The following CACNB4 variants were observed in gnomAD, a reference collection of about 807,000 sequenced individuals.
The protein encoded by CACNB4 is calcium voltage-gated channel auxiliary subunit beta 4, also known as voltage-dependent L-type calcium channel subunit beta-4.
A neutral mutation model predicts 71.2 loss-of-function variants in CACNB4; 32 were observed. The observed-to-expected ratio is 0.45, with a 90% CI of 0.34 to 0.60. The LOEUF is 0.60. Ranked by LOEUF, CACNB4 falls within the 20% of genes least tolerant of loss-of-function variation. The pLI, the probability that CACNB4 is intolerant of heterozygous loss-of-function variation, is 0.01. For missense variants in CACNB4, 464 were observed against 647.9 expected, an observed-to-expected ratio of 0.72 and a Z score of 3.08; for synonymous variants, 231 against 236.9, an observed-to-expected ratio of 0.97 and a Z score of 0.23.
rs1225557580 is a variant in CACNB4, at chr2:151,839,621, T to C, written c.1303-242A>G. Among the ~76,000 whole-genome samples, 4 of 152,214 alleles carry C rather than the reference T, an allele frequency of 2.6e-5. No individual in the cohort carries two copies. The East Asian group carries it at 7.7e-4, about 29-fold the overall frequency. On this transcript the variant is annotated intron_variant, in intron 13 of 13. Transcript: ENST00000539935. ...ATTCCACAGTGCTGAATGACTATGC[T>C]TCCTATTACAAATGTAGAATTGAAA...
intron 2 of CACNB4, among the ~76,000 whole-genome samples, chr2:152,019,662 T>C (rs1683548669): frequency 6.6e-6 from 1 of 151,988 alleles, no homozygotes; most frequent in African/African-American, 2.4e-5. Context: ...CCCCAAAAAA[T>C]GGAAATAAAG....
At chr2:151,958,666 C>A (rs1238563248) in intron 2 of CACNB4, among the ~76,000 whole-genome samples, 1 of 152,184 alleles carries the variant, frequency 6.6e-6, no homozygotes, top group Non-Finnish European at 1.5e-5. Context: ...CTCCTCCTCT[C>A]CATCCCCACT....
chr2:152,058,742 C>A (rs1248247574), intron 2 of CACNB4, among the ~76,000 whole-genome samples: 1 of 152,240 alleles, frequency 6.6e-6, no homozygotes, highest in East Asian at 1.9e-4. Context: ...CATAAGTAAC[C>A]AGGAGTCCAG....
At chr2:152,064,888 T>C (rs559013313) in intron 2 of CACNB4, among the ~76,000 whole-genome samples, 1 of 152,256 alleles carries the variant, frequency 6.6e-6, no homozygotes, top group East Asian at 1.9e-4. Flanking sequence ...TCTCCACCTG[T>C]CATAGAGAGA....
chr2:151,952,464 G>A (rs546200607), intron 2 of CACNB4, among the ~76,000 whole-genome samples: 12 of 152,264 alleles, frequency 7.9e-5, no homozygotes, highest in Admixed American at 2.0e-4. Flanking sequence ...TTTCTCTGTC[G>A]CTTTACCATA....
At chr2:151,955,897 G>A (rs957103354) in intron 2 of CACNB4, among the ~76,000 whole-genome samples, 4 of 146,102 alleles carry the variant, frequency 2.7e-5, no homozygotes, top group African/African-American at 4.9e-5. Context: ...AGCAAGGCAC[G>A]GTCTCAAAAA....
At chr2:152,040,988 C>T (rs1057225069) in intron 2 of CACNB4, among the ~76,000 whole-genome samples, 1 of 152,230 alleles carries the variant, frequency 6.6e-6, no homozygotes, top group Non-Finnish European at 1.5e-5. Flanking sequence ...GCAAAGCCCT[C>T]AAAGACCATG....
At chr2:151,919,986 A>G (rs1205186479) in intron 2 of CACNB4, among the ~76,000 whole-genome samples, 25 of 152,206 alleles carry the variant, frequency 1.6e-4, no homozygotes, top group Admixed American at 1.6e-3. Context: ...AAAGCCAACT[A>G]TAAAGCCATT....
intron 10 of CACNB4, chr2:151,858,386 C>G (rs1253750955): frequency 6.6e-6 from 1 of 152,214 alleles, no homozygotes; most frequent in African/African-American, 2.4e-5. Context: ...AAAGTGAGTA[C>G]TCTGGAACAA....
At chr2:151,973,590 A>C (rs532079522) in intron 2 of CACNB4, 2 of 1,324,308 alleles carry the variant, frequency 1.5e-6, no homozygotes, top group Admixed American at 3.6e-5. Context: ...CCTAAGAAAT[A>C]AGAAGCGGGG....
chr2:151,928,821 A>C (rs2099860912), intron 2 of CACNB4, among the ~76,000 whole-genome samples: 1 of 151,824 alleles, frequency 6.6e-6, no homozygotes, highest in African/African-American at 2.4e-5. Flanking sequence ...CTGAGGCTGG[A>C]GAATCGCTTG....
chr2:152,090,142 A>G (rs1687891365), intron 2 of CACNB4, among the ~76,000 whole-genome samples: 1 of 152,242 alleles, frequency 6.6e-6, no homozygotes, highest in Admixed American at 6.5e-5. Flanking sequence ...CCACACCCAG[A>G]AAAGATGGGT....
At chr2:151,967,222 T>A (rs532115096) in intron 2 of CACNB4, 1 of 152,086 alleles carries the variant, frequency 6.6e-6, no homozygotes, top group Admixed American at 6.6e-5. Flanking sequence ...TAATTTTTTT[T>A]ATTTTTATTT....
intron 2 of CACNB4, among the ~76,000 whole-genome samples, chr2:152,030,865 A>G (rs1352080579): frequency 6.6e-6 from 1 of 152,162 alleles, no homozygotes; most frequent in Non-Finnish European, 1.5e-5. Flanking sequence ...ATGTCCATCA[A>G]TGATAGACTG....
intron 2 of CACNB4, among the ~76,000 whole-genome samples, chr2:151,933,463 A>G (rs373774612): frequency 3.9e-5 from 6 of 152,134 alleles, no homozygotes; most frequent in African/African-American, 1.2e-4. Flanking sequence ...CCTCACCACA[A>G]CCTTTGAGGG....
intron 2 of CACNB4, among the ~76,000 whole-genome samples, chr2:152,005,909 A>G: frequency 6.6e-6 from 1 of 152,206 alleles, no homozygotes; most frequent in East Asian, 1.9e-4. Context: ...GAAGGAGATA[A>G]TATATGCAAA....
intron 2 of CACNB4, among the ~76,000 whole-genome samples, chr2:151,912,066 CTTCT>C (rs749460813): frequency 2.0e-4 from 31 of 151,872 alleles, no homozygotes; most frequent in African/African-American, 9.7e-5. Context: ...CTCTTTTCTT[CTTCT>C]TTATTAGTCT....
At chr2:152,068,561 T>C (rs1210905204) in intron 2 of CACNB4, among the ~76,000 whole-genome samples, 1 of 152,064 alleles carries the variant, frequency 6.6e-6, no homozygotes, top group Non-Finnish European at 1.5e-5. Flanking sequence ...TTTATTGATA[T>C]GGGGGTACTC....
intron 2 of CACNB4, among the ~76,000 whole-genome samples, chr2:151,923,441 T>C (rs1311239237): frequency 6.6e-6 from 1 of 152,220 alleles, no homozygotes; most frequent in Non-Finnish European, 1.5e-5. Context: ...TGAACTTCCA[T>C]GCTTTGCTCC....
Sources: allele counts gnomAD v4.1 joint callset (sites outside exome capture counted in the v4.1 genomes callset), GRCh38; gene constraint gnomAD v4.1.1; transcripts MANE v1.5; gene names NCBI Gene and HGNC (gene_info 2026-07-23, HGNC 2026-07-21).